KAZN: variants seen among roughly 807,000 people sequenced by gnomAD.
The protein encoded by KAZN is kazrin.
In KAZN, 40 loss-of-function variants were observed where a neutral mutation model predicts 87.4. The observed-to-expected ratio is 0.46, with a 90% CI of 0.36 to 0.60. KAZN has a LOEUF of 0.60. Ranked by LOEUF, KAZN falls within the 20% of genes least tolerant of loss-of-function variation. The pLI is 0.00. For synonymous variants in KAZN, 466 were observed against 458.3 expected, an observed-to-expected ratio of 1.02 and a Z score of -0.22; for missense variants, 898 against 1,073.9, an observed-to-expected ratio of 0.84 and a Z score of 2.29.
intron 1 of KAZN, among the ~76,000 whole-genome samples, chr1:14,117,419 G>A (rs1012279582): frequency 4.6e-5 from 7 of 152,168 alleles, no homozygotes; most frequent in African/African-American, 1.7e-4. Flanking sequence ...TGTGAGACAT[G>A]CCTTTCACCT....
chr1:14,940,003 C>T (rs1660870227), intron 1 of KAZN, among the ~76,000 whole-genome samples: 1 of 152,186 alleles, frequency 6.6e-6, no homozygotes, highest in Admixed American at 6.5e-5. Context: ...CTGCCTCCCT[C>T]TGTACCCCTG....
At chr1:14,790,441 TAATC>T (rs1645639764) in intron 1 of KAZN, among the ~76,000 whole-genome samples, 2 of 152,222 alleles carry the variant, frequency 1.3e-5, no homozygotes, top group South Asian at 4.1e-4. Flanking sequence ...TAAGATATAA[TAATC>T]CACATACCAT....
intron 1 of KAZN, among the ~76,000 whole-genome samples, chr1:13,906,027 T>C (rs1248367658): frequency 1.3e-5 from 2 of 152,086 alleles, no homozygotes; most frequent in African/African-American, 2.4e-5. Context: ...GACTCTCTCT[T>C]CTAAGGACGC....
chr1:14,540,616 T>A (rs1245632576), intron 2 of KAZN, among the ~76,000 whole-genome samples: 1 of 152,216 alleles, frequency 6.6e-6, no homozygotes, highest in African/African-American at 2.4e-5. Flanking sequence ...TACTGCCCCA[T>A]GACTCTTTGT....
intron 2 of KAZN, among the ~76,000 whole-genome samples, chr1:15,003,326 G>T (rs971454174): frequency 1.3e-5 from 2 of 152,192 alleles, no homozygotes; most frequent in African/African-American, 4.8e-5. Context: ...GTTGGCAGCG[G>T]CTCTGGTAAC....
intron 1 of KAZN, among the ~76,000 whole-genome samples, chr1:14,743,566 C>T (rs1395430440): frequency 1.3e-5 from 2 of 152,098 alleles, no homozygotes; most frequent in Non-Finnish European, 2.9e-5. Flanking sequence ...ACAAAATGAA[C>T]CCTTCATTGG....
intron 2 of KAZN, among the ~76,000 whole-genome samples, chr1:14,219,111 T>C (rs1557569814): frequency 6.6e-6 from 1 of 151,908 alleles, no homozygotes; most frequent in Non-Finnish European, 1.5e-5. Context: ...ATAAATTACA[T>C]GAGAAACAAA....
intron 1 of KAZN, among the ~76,000 whole-genome samples, chr1:14,844,540 G>T (rs750403422): frequency 7.2e-5 from 11 of 152,192 alleles, no homozygotes; most frequent in Non-Finnish European, 1.5e-4. Context: ...TGCGCTAGAA[G>T]TATGTCTTGC....
chr1:14,217,770 AAAAAC>A lies in KAZN; in HGVS notation c.249+37183_249+37187del. Among the ~76,000 whole-genome samples, 3 of 152,304 alleles carry A rather than the reference AAAAAC, an allele frequency of 2.0e-5. No individual in the cohort carries two copies. In the Middle Eastern group the frequency reaches 0.01, roughly 518 times the overall value. ...TTAATAAAACTATTAGACTTTGAAG[AAAAAC>A]AAAAATTTAGGCATCCAGGCAAAAA... On this transcript the variant is annotated intron_variant, in intron 2 of 16. Coordinates refer to the KAZN transcript ENST00000636203.
chr1:14,509,510 A>G (rs1344334603), intron 2 of KAZN, among the ~76,000 whole-genome samples: 1 of 152,202 alleles, frequency 6.6e-6, no homozygotes, highest in Non-Finnish European at 1.5e-5. Flanking sequence ...ACAATGTTCT[A>G]TCTGAAATGA....
chr1:15,044,197 C>A, intron 4 of KAZN, 38 bp downstream of exon 4: 1 of 1,420,022 alleles, frequency 7.0e-7, no homozygotes, highest in Non-Finnish European at 9.4e-7. Flanking sequence ...CTGGCATCTG[C>A]TAGCAGTGCC....
intron 2 of KAZN, among the ~76,000 whole-genome samples, chr1:14,341,276 A>C (rs1428200364): frequency 6.6e-6 from 1 of 151,538 alleles, no homozygotes; most frequent in Non-Finnish European, 1.5e-5. Flanking sequence ...AAATGGGGAA[A>C]TGATGATGAT....
intron 1 of KAZN, among the ~76,000 whole-genome samples, chr1:14,886,614 A>G (rs1269061936): frequency 6.6e-6 from 1 of 152,098 alleles, no homozygotes; most frequent in East Asian, 1.9e-4. Context: ...CAACATGGAG[A>G]AACCCTGTCT....
chr1:14,650,032 C>CTTTTTT (rs34399319), intron 1 of KAZN, among the ~76,000 whole-genome samples: 1 of 88,338 alleles, frequency 1.1e-5, no homozygotes, highest in African/African-American at 4.0e-5. Flanking sequence ...CTCCACCCAT[C>CTTTTTT]TTTTTTTTTT....
intron 4 of KAZN, among the ~76,000 whole-genome samples, chr1:15,047,060 G>T (rs996485198): frequency 6.6e-6 from 1 of 152,188 alleles, no homozygotes; most frequent in South Asian, 2.1e-4. Context: ...TCAGCTTCTG[G>T]CCTCCTTCTG....
intron 1 of KAZN, among the ~76,000 whole-genome samples, chr1:14,926,943 C>T (rs74059664): frequency 4.6e-5 from 7 of 152,038 alleles, no homozygotes; most frequent in African/African-American, 7.3e-5. Flanking sequence ...GATGGAGGCC[C>T]GAACACCTTG....
intron 2 of KAZN, among the ~76,000 whole-genome samples, chr1:14,404,833 G>C (rs1663699330): frequency 1.3e-5 from 2 of 152,200 alleles, no homozygotes; most frequent in Admixed American, 1.3e-4. Context: ...AAAAGAGTAA[G>C]AAAGGTCCAC....
chr1:14,196,008 AG>A (rs1646519048), intron 2 of KAZN, among the ~76,000 whole-genome samples: 1 of 152,184 alleles, frequency 6.6e-6, no homozygotes, highest in African/African-American at 2.4e-5. Context: ...TGGTCCAAAA[AG>A]GCCTTAAAAA....
chr1:14,084,176 G>T (rs1414290843), intron 1 of KAZN, among the ~76,000 whole-genome samples: 1 of 152,142 alleles, frequency 6.6e-6, no homozygotes, highest in Non-Finnish European at 1.5e-5. Flanking sequence ...GAAGGTCTGG[G>T]GACGATCAGA....
Sources: allele counts gnomAD v4.1 joint callset (sites outside exome capture counted in the v4.1 genomes callset), GRCh38; gene constraint gnomAD v4.1.1; transcripts MANE v1.5; gene names NCBI Gene and HGNC (gene_info 2026-07-23, HGNC 2026-07-21).